Variants in ADK observed in about 807,000 individuals in gnomAD.
ADK encodes the protein adenosine kinase.
In ADK, 24 loss-of-function variants were observed where a neutral mutation model predicts 44.7. That is an observed-to-expected ratio of 0.54 (90% CI 0.39 to 0.76). The LOEUF is 0.76. Among genes scored for constraint, ADK ranks in the 30% least tolerant of loss-of-function variants. The pLI is 0.00. For synonymous variants in ADK, 128 were observed against 142.6 expected, an observed-to-expected ratio of 0.90 and a Z score of 0.73; for missense variants, 321 against 425.1, an observed-to-expected ratio of 0.76 and a Z score of 2.15.
At chr10:74,332,592 G>A (rs187589667) in intron 4 of ADK, among the ~76,000 whole-genome samples, 4 of 152,264 alleles carry the variant, frequency 2.6e-5, no homozygotes, top group African/African-American at 9.6e-5. Flanking sequence ...TTTAGAGTTA[G>A]GCAAGGGAAA....
chr10:74,383,414 C>CTCTGTCTCTGTCTCTGTCTCTG, intron 4 of ADK, among the ~76,000 whole-genome samples: 1 of 57,056 alleles, frequency 1.8e-5, no homozygotes, highest in South Asian at 4.6e-4. Context: ...CTCTGTCTCT[C>CTCTGTCTCTGTCTCTGTCTCTG]TCTCTCTCTC....
intron 8 of ADK, among the ~76,000 whole-genome samples, chr10:74,599,180 C>CTACA (rs1292266547): frequency 6.6e-6 from 1 of 152,196 alleles, no homozygotes; most frequent in East Asian, 1.9e-4. Context: ...CACTGTCCTA[C>CTACA]TACAAATGGC....
chr10:74,257,412 A>G (rs1326340524), intron 3 of ADK, among the ~76,000 whole-genome samples: 1 of 152,224 alleles, frequency 6.6e-6, no homozygotes, highest in African/African-American at 2.4e-5. Flanking sequence ...AAGGAAATCT[A>G]AATGGTACTT....
intron 6 of ADK, among the ~76,000 whole-genome samples, chr10:74,405,296 C>T (rs1348389192): frequency 6.6e-6 from 1 of 151,890 alleles, no homozygotes; most frequent in Non-Finnish European, 1.5e-5. Context: ...GGCCACACAG[C>T]AGGAGGTGAG....
chr10:74,406,896 G>T (rs1313137655), intron 6 of ADK, among the ~76,000 whole-genome samples: 1 of 151,558 alleles, frequency 6.6e-6, no homozygotes, highest in East Asian at 1.9e-4. Flanking sequence ...GTTTCGGCTG[G>T]TCCTGAACTC....
At position 74,523,525 on chromosome 10, in the gene ADK, C is replaced by T. The variant is rs151034538; in HGVS notation, c.556-1731C>T. ...AATTTTTGTTCTCCATTTTTTCCTT[C>T]GTCGTCTTTTGTTCTGTGTTCTCTG... is the stretch of plus-strand genomic sequence containing the variant. On this transcript the variant is annotated intron_variant, in intron 6 of 10. Transcript: ENST00000539909. Among the ~76,000 whole-genome samples, 171 of 152,052 alleles carry T rather than the reference C, an allele frequency of 1.1e-3. 2 individuals carry two copies. In the East Asian group the frequency reaches 0.025, roughly 22 times the overall value.
chr10:74,397,342 G>C (rs1843554916), intron 5 of ADK, among the ~76,000 whole-genome samples: 1 of 151,444 alleles, frequency 6.6e-6, no homozygotes, highest in African/African-American at 2.4e-5. Flanking sequence ...TATTACCAAA[G>C]TCTGAAATGA....
At chr10:74,241,532 C>T (rs1334444191) in intron 3 of ADK, among the ~76,000 whole-genome samples, 24 of 152,062 alleles carry the variant, frequency 1.6e-4, no homozygotes, top group Admixed American at 1.5e-3. Context: ...ACTACAGGCA[C>T]ACGCTACCAT....
intron 3 of ADK, among the ~76,000 whole-genome samples, chr10:74,226,642 G>GA (rs1055439077): frequency 1.6e-4 from 23 of 144,266 alleles, no homozygotes; most frequent in Non-Finnish European, 2.8e-4. Flanking sequence ...ATATTTCAAA[G>GA]TTTTTTTTTT....
chr10:74,312,514 T>A (rs533283644), intron 3 of ADK, among the ~76,000 whole-genome samples: 1 of 151,754 alleles, frequency 6.6e-6, no homozygotes, highest in South Asian at 2.1e-4. Flanking sequence ...ATTTTACTTA[T>A]CCTAGAGAAA....
At chr10:74,484,371 C>A (rs921976795) in intron 6 of ADK, among the ~76,000 whole-genome samples, 2 of 152,202 alleles carry the variant, frequency 1.3e-5, no homozygotes, top group African/African-American at 4.8e-5. Context: ...CCTCTTCTAA[C>A]ACTGGGGATT....
chr10:74,250,267 T>C (rs1410186592), intron 3 of ADK, among the ~76,000 whole-genome samples: 1 of 152,208 alleles, frequency 6.6e-6, no homozygotes, highest in Non-Finnish European at 1.5e-5. Flanking sequence ...TGCAAGAAGC[T>C]ATCATAGAGA....
intron 10 of ADK, among the ~76,000 whole-genome samples, chr10:74,682,639 T>A (rs914007527): frequency 2.0e-5 from 3 of 150,972 alleles, no homozygotes; most frequent in African/African-American, 7.3e-5. Flanking sequence ...AGTGGTGTGA[T>A]CTCAGCTCAC....
intron 6 of ADK, among the ~76,000 whole-genome samples, chr10:74,405,885 TTTGGATG>T (rs1161031226): frequency 8.5e-5 from 13 of 152,152 alleles, no homozygotes; most frequent in Non-Finnish European, 1.3e-4. Context: ...TCTTAATACT[TTTGGATG>T]TTTCTTTCCC....
chr10:74,188,057 T>G (rs1842819503), intron 1 of ADK, among the ~76,000 whole-genome samples: 1 of 152,232 alleles, frequency 6.6e-6, no homozygotes, highest in Admixed American at 6.5e-5. Flanking sequence ...TTTAATTACT[T>G]TAGCTGATAT....
intron 2 of ADK, among the ~76,000 whole-genome samples, chr10:74,210,393 G>A (rs867283653): frequency 1.7e-4 from 25 of 150,528 alleles, no homozygotes; most frequent in African/African-American, 6.1e-4. Context: ...TTGAGGAGAC[G>A]TGTTTTTCTT....
intron 4 of ADK, among the ~76,000 whole-genome samples, chr10:74,364,747 C>T (rs1002014068): frequency 3.5e-4 from 50 of 142,044 alleles, no homozygotes; most frequent in Admixed American, 6.5e-4. Flanking sequence ...TGTGTTCTAG[C>T]AACCTCTTTC....
chr10:74,287,674 T>C (rs1267898743), intron 3 of ADK, among the ~76,000 whole-genome samples: 1 of 152,082 alleles, frequency 6.6e-6, no homozygotes, highest in South Asian at 2.1e-4. Flanking sequence ...TATAAAAATA[T>C]ATCTGTTATA....
At chr10:74,520,483 C>CCTATT (rs1848771069) in intron 6 of ADK, among the ~76,000 whole-genome samples, 2 of 151,754 alleles carry the variant, frequency 1.3e-5, no homozygotes, top group African/African-American at 4.8e-5. Flanking sequence ...TACACATACC[C>CCTATT]CTATTCCTCA....
Sources: gnomAD v4.1 joint callset for allele counts (sites outside exome capture counted in the v4.1 genomes callset) on GRCh38, gnomAD v4.1.1 for gene constraint, MANE v1.5 for transcripts, NCBI Gene and HGNC (gene_info 2026-07-23, HGNC 2026-07-21) for gene names.